Variants in LAP3 observed in about 807,000 individuals in gnomAD.
LAP3 encodes leucine aminopeptidase 3, also known as cytosol aminopeptidase.
In LAP3, 46 loss-of-function variants were observed where a neutral mutation model predicts 58.8. The ratio of observed to expected loss-of-function variants is 0.78; its 90% CI spans 0.62 to 1.00. The LOEUF (loss-of-function observed/expected upper bound fraction) is 1.00, where lower values mean the gene tolerates loss of function less well. Among genes scored for constraint, LAP3 ranks in the 50% least tolerant of loss-of-function variants. The pLI, the probability that LAP3 is intolerant of heterozygous loss-of-function variation, is 0.00. For synonymous variants in LAP3, 257 were observed against 237.7 expected (o/e 1.08, Z -0.75); for missense variants, 615 against 659.1 (o/e 0.93, Z 0.73).
chr4:17,585,435 ATT>A (rs201860192), intron 6 of LAP3: 1,101 of 148,832 alleles, frequency 7.4e-3, no homozygotes, highest in South Asian at 0.029. Flanking sequence ...CAATTCAGTG[ATT>A]TTTTTTTTTT....
At chr4:17,580,618 T>C (rs1185856695) in intron 2 of LAP3, among the ~76,000 whole-genome samples, 1 of 152,184 alleles carries the variant, frequency 6.6e-6, no homozygotes, top group Admixed American at 6.5e-5. Flanking sequence ...TCTACTTCTT[T>C]TAACTCCCCT....
chr4:17,580,185 T>TATATATGTA, intron 2 of LAP3, among the ~76,000 whole-genome samples: 423 of 32,030 alleles, frequency 0.013, 34 homozygotes, highest in South Asian at 0.066. Flanking sequence ...TATATATGTA[T>TATATATGTA]TTTTTTTTTT....
rs1423233410 is a variant in LAP3, at chr4:17,604,604, T to A, written c.1197T>A (p.Ala399=). Residue 399 remains alanine (A), a synonymous_variant, in exon 11 of 13, where the codon GCT becomes GCA. Transcript: ENST00000226299. ...GTCTTACAGGTGCCATGGATGTAGC[T>A]TTGGGATCAGGTGCCACTGGGGTCT... ...AATLTGAMDV[A]LGSGATGVFT... 6.2e-7 allele frequency: 1 copy of A among 1,614,062 alleles called. No homozygotes were observed. The highest frequency in any genetic ancestry group is 1.3e-5 in the African/African-American group (1 of 75,014).
intron 8 of LAP3, 134 bp from the exon 9 acceptor site, chr4:17,596,912 A>G (rs1191392555): frequency 1.5e-6 from 1 of 680,860 alleles, no homozygotes; most frequent in African/African-American, 1.8e-5. Context: ...GTCATTGGTG[A>G]TGTTAAATTT....
chr4:17,595,490 C>G lies in LAP3; in HGVS notation c.944C>G (p.Ala315Gly), dbSNP rs1451189058. Residue 315 changes from alanine (A) to glycine (G), a missense_variant, in exon 8 of 13, where the codon GCC becomes GGC. Coordinates refer to ENST00000226299, the MANE Select transcript of LAP3 (RefSeq NM_015907.3). ...DMGGAATICS[A>G]IVSAAKLNLP... ...GGAGGAGCTGCAACTATATGCTCAGCCATCGTGTCTGCTGCAAAGCTTAAT... is the reference window on the plus strand; with the variant it reads ...GGAGGAGCTGCAACTATATGCTCAGGCATCGTGTCTGCTGCAAAGCTTAAT... 1 of 1,613,814 alleles carries G rather than the reference C, an allele frequency of 6.2e-7. No individual in the cohort carries two copies. The highest frequency in any genetic ancestry group is 2.2e-5 in the East Asian group (1 of 44,858).
rs1189983529 is a variant in LAP3 at position 17,577,577 on chromosome 4, G to C, written c.102+10G>C. 3 of 1,535,644 alleles carry C rather than the reference G, an allele frequency of 2.0e-6. No individual in the cohort carries two copies. In the South Asian group the frequency reaches 3.6e-5, roughly 19 times the overall value. Reference sequence around the variant, plus strand: ...CGCAGACATGACGAAGGTGAGAGGCGGCGGCTCGCTCATGGTCCGCCGCTG... The same window carrying C: ...CGCAGACATGACGAAGGTGAGAGGCCGCGGCTCGCTCATGGTCCGCCGCTG... On this transcript the variant is annotated intron_variant, in intron 1 of 12. Transcript: ENST00000226299.
Position 17,597,848 on chromosome 4 carries a change from G to T in LAP3, c.1078-608G>T, listed in dbSNP as rs538055674. Among the ~76,000 whole-genome samples the T allele has an allele frequency of 1.1e-3, 172 of 152,304 alleles. 1 individual carries two copies. The highest frequency in any genetic ancestry group is 3.7e-3 in the African/African-American group (152 of 41,566). ...GCCCTGCACTGAAGGGGATGTGGCA[G>T]CAGGTCCTCTGGGTGGCACGTGCAT... On this transcript the variant is annotated intron_variant, in intron 9 of 12. Transcript: ENST00000226299.
intron 11 of LAP3, 110 bp from the exon 12 acceptor site, chr4:17,606,719 T>C: frequency 3.2e-6 from 2 of 627,594 alleles, no homozygotes; most frequent in Non-Finnish European, 5.6e-6. Flanking sequence ...TTTCATGTTT[T>C]AGAGTAACAG....
At chr4:17,595,638 A>G (rs1217437771) in intron 8 of LAP3, 104 bp downstream of exon 8, 12 of 1,333,030 alleles carry the variant, frequency 9.0e-6, no homozygotes, top group Non-Finnish European at 1.1e-5. Context: ...AAGATAAGAA[A>G]TGATTTTTAA....
In LAP3 at chr4:17,607,762, ATAAAGG is replaced by A. The variant is rs1275718170; in HGVS notation, c.*179_*184del. On this transcript the variant is annotated 3_prime_UTR_variant, in exon 13 of 13. Coordinates refer to ENST00000226299, the MANE Select transcript of LAP3 (RefSeq NM_015907.3). ...TTTTTTTCATTTCACACAAAGATTTATAAAGGTAAAGTTAATATCTTACTTGATAAG... is the reference window on the plus strand; with the variant it reads ...TTTTTTTCATTTCACACAAAGATTTATAAAGTTAATATCTTACTTGATAAG... 7 of 529,640 alleles carry A rather than the reference ATAAAGG, an allele frequency of 1.3e-5. No individual in the cohort carries two copies. Among genetic ancestry groups the A allele is most frequent in the African/African-American group, 5.7e-5 (3 of 52,264 alleles). The allele number at this position is 529,640 out of a possible 1,614,324, so 32.8% of individuals were successfully genotyped here. A position where few individuals can be genotyped will look rare whatever the true frequency, so the allele number is the denominator to read the frequency against.
intron 10 of LAP3, among the ~76,000 whole-genome samples, chr4:17,601,862 A>G (rs745621242): frequency 2.6e-5 from 4 of 152,304 alleles, no homozygotes; most frequent in Non-Finnish European, 5.9e-5. Context: ...TGTTGACTCC[A>G]TAGTCAACAG....
intron 6 of LAP3, chr4:17,585,643 T>TA (rs1713492943): frequency 6.5e-6 from 1 of 153,426 alleles, no homozygotes; most frequent in Non-Finnish European, 1.4e-5. Context: ...AGGCTGGTCT[T>TA]ACACTCCTGG....
At chr4:17,603,213 G>A (rs1714023337) in intron 10 of LAP3, among the ~76,000 whole-genome samples, 1 of 151,808 alleles carries the variant, frequency 6.6e-6, no homozygotes, top group Non-Finnish European at 1.5e-5. Flanking sequence ...GGATGCTGCG[G>A]GAGAGAATGG....
intron 1 of LAP3, among the ~76,000 whole-genome samples, chr4:17,578,956 A>G (rs1166872751): frequency 6.6e-6 from 1 of 152,168 alleles, no homozygotes; most frequent in Non-Finnish European, 1.5e-5. Flanking sequence ...GGGGAGGAAA[A>G]TCTTCCCTCT....
intron 11 of LAP3, 126 bp from the exon 12 acceptor site, chr4:17,606,703 T>G (rs894736595): frequency 1.7e-6 from 1 of 578,606 alleles, no homozygotes; most frequent in African/African-American, 1.9e-5. Context: ...GAAACCTATT[T>G]TCTAGTTTCA....
chr4:17,605,975 T>G (rs980075126), intron 11 of LAP3, among the ~76,000 whole-genome samples: 2 of 152,178 alleles, frequency 1.3e-5, no homozygotes, highest in African/African-American at 4.8e-5. Context: ...CACTTTTAGG[T>G]CTTTGATTTT....
chr4:17,577,537 C>G lies in LAP3; in HGVS notation c.72C>G (p.Ser24Arg). ...GTCTGGCCGTGAGACGTTTCGGGAG[C>G]CGGAGTCTCTCCACCGCAGACATGA... ...VRRLAVRRFG[S>R]RSLSTADMTK... Residue 24 changes from serine to arginine, a missense_variant, in exon 1 of 13, where the codon AGC (serine) becomes AGG (arginine). Coordinates refer to ENST00000226299, the MANE Select transcript of LAP3 (RefSeq NM_015907.3). 2.5e-6 allele frequency: 4 copies of G among 1,574,632 alleles called. No homozygotes were observed. Among genetic ancestry groups the G allele is most frequent in the Non-Finnish European group, 2.6e-6 (3 of 1,161,516 alleles).
At chr4:17,579,773 T>C in intron 1 of LAP3, 51 bp from the exon 2 acceptor site, 1 of 1,031,274 alleles carries the variant, frequency 9.7e-7, no homozygotes, top group Non-Finnish European at 1.5e-6. Context: ...TGAGCCTCTC[T>C]AAGGGATCTA....
intron 1 of LAP3, among the ~76,000 whole-genome samples, chr4:17,577,916 G>A (rs186330291): frequency 1.3e-4 from 20 of 152,318 alleles, no homozygotes; most frequent in African/African-American, 4.8e-4. Flanking sequence ...GAGGAAGCCC[G>A]AGTTTGCCAA....
Sources: gnomAD v4.1 joint callset for allele counts (sites outside exome capture counted in the v4.1 genomes callset) on GRCh38, gnomAD v4.1.1 for gene constraint, MANE v1.5 for transcripts, NCBI Gene and HGNC (gene_info 2026-07-23, HGNC 2026-07-21) for gene names.